Variants in CADPS2 observed in about 807,000 individuals in gnomAD.
The protein encoded by CADPS2 is calcium dependent secretion activator 2.
Under a neutral mutation model 172.5 loss-of-function variants are expected in CADPS2, and 93 were observed. The ratio of observed to expected loss-of-function variants is 0.54; its 90% CI spans 0.46 to 0.64. The LOEUF is 0.64. Among genes scored for constraint, CADPS2 ranks in the 30% least tolerant of loss-of-function variants. The pLI, the probability that CADPS2 is intolerant of heterozygous loss-of-function variation, is 0.00. For synonymous variants in CADPS2, 546 were observed against 555.2 expected (o/e 0.98, Z 0.23); for missense variants, 1,420 against 1,565.9 (o/e 0.91, Z 1.57).
At chr7:122,638,734 T>C (rs1018822722) in intron 3 of CADPS2, among the ~76,000 whole-genome samples, 1 of 152,190 alleles carries the variant, frequency 6.6e-6, no homozygotes, top group African/African-American at 2.4e-5. Context: ...TGAGGACTCT[T>C]ACTCACTAAT....
chr7:122,843,851 A>G (rs2140969838), intron 1 of CADPS2, among the ~76,000 whole-genome samples: 1 of 152,344 alleles, frequency 6.6e-6, no homozygotes, highest in South Asian at 2.1e-4. Flanking sequence ...AACAGGAGGC[A>G]AAAGTGTAAA....
At chr7:122,455,536 C>G (rs965738621) in intron 14 of CADPS2, among the ~76,000 whole-genome samples, 1 of 151,670 alleles carries the variant, frequency 6.6e-6, no homozygotes, top group Admixed American at 6.6e-5. Flanking sequence ...TGCTAGAACA[C>G]CAGATGGCAT....
At chr7:122,702,639 A>G in intron 2 of CADPS2, 1 of 1,613,618 alleles carries the variant, frequency 6.2e-7, no homozygotes, top group Non-Finnish European at 8.5e-7. Flanking sequence ...TGAGCTGTCC[A>G]AATGGCTTTT....
intron 1 of CADPS2, among the ~76,000 whole-genome samples, chr7:122,808,926 A>T (rs1483616306): frequency 6.6e-6 from 1 of 152,174 alleles, no homozygotes; most frequent in Non-Finnish European, 1.5e-5. Context: ...TATGTATATA[A>T]AAGTTCAGAT....
intron 1 of CADPS2, among the ~76,000 whole-genome samples, chr7:122,779,962 G>A (rs1314140994): frequency 6.6e-6 from 1 of 152,012 alleles, no homozygotes; most frequent in African/African-American, 2.4e-5. Context: ...TCTCTCTGTT[G>A]CAGAAATGCT....
At chr7:122,494,547 T>TTA (rs1029728433) in intron 9 of CADPS2, among the ~76,000 whole-genome samples, 21 of 151,010 alleles carry the variant, frequency 1.4e-4, no homozygotes, top group African/African-American at 2.2e-4. Flanking sequence ...TGGGTAAACA[T>TTA]TATATATATA....
chr7:122,849,427 G>A (rs901660956), intron 1 of CADPS2, among the ~76,000 whole-genome samples: 1 of 152,096 alleles, frequency 6.6e-6, no homozygotes, highest in African/African-American at 2.4e-5. Context: ...TTGTACTCAG[G>A]ACATCAGAAA....
intron 1 of CADPS2, among the ~76,000 whole-genome samples, chr7:122,867,121 G>C (rs1199589355): frequency 2.6e-5 from 4 of 152,092 alleles, no homozygotes; most frequent in Admixed American, 2.6e-4. Flanking sequence ...TTCTACAAGA[G>C]GCTTGCCCTG....
chr7:122,744,909 A>C lies in CADPS2; in HGVS notation c.340-7841T>G, dbSNP rs576476193. Among the ~76,000 whole-genome samples, 4 of 152,082 alleles carry C rather than the reference A, an allele frequency of 2.6e-5. No individual in the cohort carries two copies. In the South Asian group the frequency reaches 8.3e-4, roughly 32 times the overall value. Reference sequence around the variant, plus strand: ...TAAGCTCCAAATGTTAAATCCATTAATTATTCCATGAGTTTCCTTGTCATG... The same window carrying C: ...TAAGCTCCAAATGTTAAATCCATTACTTATTCCATGAGTTTCCTTGTCATG... On this transcript the variant is annotated intron_variant, in intron 1 of 29. Coordinates refer to ENST00000449022, the MANE Select transcript of CADPS2 (RefSeq NM_017954.11).
chr7:122,820,247 G>A (rs1008461101), intron 1 of CADPS2, among the ~76,000 whole-genome samples: 1 of 152,032 alleles, frequency 6.6e-6, no homozygotes, highest in African/African-American at 2.4e-5. Flanking sequence ...GACCCTGACA[G>A]CCAACAAGCT....
intron 2 of CADPS2, among the ~76,000 whole-genome samples, chr7:122,682,119 C>T (rs191439606): frequency 1.3e-5 from 2 of 152,124 alleles, no homozygotes; most frequent in Non-Finnish European, 2.9e-5. Context: ...TAACCTTGTA[C>T]TTATGAGACT....
chr7:122,422,409 A>G (rs1165691702), intron 17 of CADPS2, among the ~76,000 whole-genome samples: 1 of 152,152 alleles, frequency 6.6e-6, no homozygotes, highest in East Asian at 1.9e-4. Context: ...GGCAAAACTT[A>G]TCTACCATTA....
At position 122,516,267 on chromosome 7, in the gene CADPS2, G is replaced by A. The variant is rs73717663; in HGVS notation, c.1476-2952C>T. Among the ~76,000 whole-genome samples, 1,194 of 152,296 alleles carry A rather than the reference G, an allele frequency of 7.8e-3. 16 individuals are homozygous for A. The highest frequency in any genetic ancestry group is 0.028 in the African/African-American group (1,155 of 41,560). ...AATGAGTGAAGAGCCAGATGCAGTG[G>A]CTCATGCCTGTAGTCCCAGAACTGT... On this transcript the variant is annotated intron_variant, in intron 8 of 29. Transcript: ENST00000449022.
intron 14 of CADPS2, among the ~76,000 whole-genome samples, chr7:122,461,095 A>G (rs2054380056): frequency 6.6e-6 from 1 of 152,222 alleles, no homozygotes; most frequent in Admixed American, 6.5e-5. Flanking sequence ...AAAGCCCAAA[A>G]TAGTTGTCAT....
At chr7:122,605,858 T>C (rs1303029799) in intron 6 of CADPS2, among the ~76,000 whole-genome samples, 1 of 152,154 alleles carries the variant, frequency 6.6e-6, no homozygotes, top group Non-Finnish European at 1.5e-5. Flanking sequence ...ATCCATAGAT[T>C]GAAACAGAGT....
At chr7:122,656,260 G>A (rs1372114724) in intron 3 of CADPS2, among the ~76,000 whole-genome samples, 1 of 152,034 alleles carries the variant, frequency 6.6e-6, no homozygotes, top group African/African-American at 2.4e-5. Flanking sequence ...ATCCCTGTAT[G>A]GCCATGGCAG....
At position 122,837,977 on chromosome 7, in the gene CADPS2, A is replaced by G. The variant is rs188395038; in HGVS notation, c.339+48022T>C. 5.3e-3 allele frequency among the ~76,000 whole-genome samples: 800 copies of G among 152,310 alleles called. 9 individuals carry two copies. Among genetic ancestry groups the G allele is most frequent in the African/African-American group, 0.018 (745 of 41,564 alleles). On this transcript the variant is annotated intron_variant, in intron 1 of 29. Transcript: ENST00000449022. ...CAAAGCCTGGCAGAGACACAACAAAAAAAGAGAATTTTAGACGAATATGCC... is the reference window on the plus strand; with the variant it reads ...CAAAGCCTGGCAGAGACACAACAAAGAAAGAGAATTTTAGACGAATATGCC...
chr7:122,754,797 T>G (rs78052063), intron 1 of CADPS2, among the ~76,000 whole-genome samples: 2,651 of 152,332 alleles, frequency 0.017, 73 homozygotes, highest in African/African-American at 0.06. Context: ...ACTTTTAATC[T>G]TATGAATGTA....
chr7:122,393,441 T>C lies in CADPS2; in HGVS notation c.2888A>G (p.Lys963Arg), dbSNP rs766348253. The C allele has an allele frequency of 1.2e-6, 2 of 1,613,876 alleles. No homozygotes were observed. Among genetic ancestry groups the C allele is most frequent in the Non-Finnish European group, 8.5e-7 (1 of 1,179,814 alleles). The change falls in exon 21 of 30, where the codon AAG (lysine) becomes AGG (arginine). Residue 963 changes from lysine to arginine, a missense_variant and splice_region_variant. By Grantham distance (26) the Lys-to-Arg change is conservative (BLOSUM62 2). Coordinates refer to ENST00000449022, the MANE Select transcript of CADPS2 (RefSeq NM_017954.11). ...TACGGACACTAGGTAAGATACCTAC[T>C]TGACAGGCTGCCATGTCTCCTGCTC... ...GFEQETWQPV[K>R]NIANSLPNVA...
Sources: gnomAD v4.1 joint callset for allele counts (sites outside exome capture counted in the v4.1 genomes callset) on GRCh38, gnomAD v4.1.1 for gene constraint, MANE v1.5 for transcripts, NCBI Gene and HGNC (gene_info 2026-07-23, HGNC 2026-07-21) for gene names.